Variants in NINJ2 observed in about 807,000 individuals in gnomAD.
NINJ2 encodes ninjurin-2.
NINJ2 carries 12 observed loss-of-function variants against 11.7 expected under a neutral mutation model. The ratio of observed to expected loss-of-function variants is 1.02; its 90% confidence interval spans 0.66 to 1.66. The LOEUF (loss-of-function observed/expected upper bound fraction) is 1.66. NINJ2 is among the 40% of genes most tolerant of loss of function. The probability of loss-of-function intolerance (pLI) is 0.00; values close to 1 mark genes in which losing one functional copy is unlikely to be tolerated. For missense variants in NINJ2, 187 were observed against 181.8 expected (o/e 1.03, Z -0.16); for synonymous variants, 93 against 76.8 (o/e 1.21, Z -1.10).
chr12:609,998 G>A (rs1158298071), intron 1 of NINJ2, among the ~76,000 whole-genome samples: 3 of 128,470 alleles, frequency 2.3e-5, no homozygotes, highest in Non-Finnish European at 4.8e-5. Flanking sequence ...ACCATGGAAG[G>A]TCACACATTT....
At chr12:648,535 G>T (rs940136650) in intron 1 of NINJ2, among the ~76,000 whole-genome samples, 1 of 152,180 alleles carries the variant, frequency 6.6e-6, no homozygotes, top group Non-Finnish European at 1.5e-5. Flanking sequence ...TGAACTGACC[G>T]AATGAATGGT....
chr12:622,237 G>A (rs35926015), intron 1 of NINJ2, among the ~76,000 whole-genome samples: 27,241 of 150,964 alleles, frequency 0.18, 2,570 homozygotes, highest in Middle Eastern at 0.33. Flanking sequence ...GTGAAACCCC[G>A]TCTCTACTAA....
At chr12:603,860 C>G (rs1416065627) in intron 1 of NINJ2, among the ~76,000 whole-genome samples, 1 of 152,030 alleles carries the variant, frequency 6.6e-6, no homozygotes, top group Admixed American at 6.6e-5. Context: ...GGGGTTTTGC[C>G]ATCTTGGCCA....
In NINJ2 at chr12:663,424, A is replaced by G. The variant is rs1362126102; in HGVS notation, c.-64T>C. On this transcript the variant is annotated 5_prime_UTR_variant, in exon 1 of 4. Coordinates refer to ENST00000305108, the MANE Select transcript of NINJ2 (RefSeq NM_016533.6). ...GGGAACAGACTGCGTGGGCTCCTCC[A>G]GGCTCCGCCGTCTGAGTCTCTGCTG... The G allele has an allele frequency of 1.9e-6, 3 of 1,614,092 alleles. No homozygotes were observed. Among genetic ancestry groups the G allele is most frequent in the Non-Finnish European group, 1.7e-6 (2 of 1,179,972 alleles).
intron 1 of NINJ2, among the ~76,000 whole-genome samples, chr12:575,000 G>A (rs1310783653): frequency 1.3e-5 from 2 of 152,202 alleles, no homozygotes; most frequent in African/African-American, 2.4e-5. Context: ...TCCCACAGAG[G>A]ATTATACTCC....
chr12:610,285 C>T, intron 1 of NINJ2: 1 of 1,399,500 alleles, frequency 7.1e-7, no homozygotes, highest in Non-Finnish European at 9.8e-7. Flanking sequence ...CCTGCCCAGT[C>T]CCCAGTGCCC....
intron 1 of NINJ2, among the ~76,000 whole-genome samples, chr12:656,663 C>T (rs1329129044): frequency 2.0e-5 from 3 of 151,526 alleles, no homozygotes; most frequent in Non-Finnish European, 4.4e-5. Context: ...GCAGGAGAAT[C>T]GCTTGAACTT....
At chr12:598,652 A>G (rs1427357204) in intron 1 of NINJ2, among the ~76,000 whole-genome samples, 1 of 152,230 alleles carries the variant, frequency 6.6e-6, no homozygotes, top group Non-Finnish European at 1.5e-5. Flanking sequence ...GGCCGATAGA[A>G]TTAAGGAAAA....
chr12:626,445 CTCT>C (rs1186835081), intron 1 of NINJ2, among the ~76,000 whole-genome samples: 6 of 152,190 alleles, frequency 3.9e-5, no homozygotes, highest in African/African-American at 9.6e-5. Flanking sequence ...TTTGGACATT[CTCT>C]TCTTCTCTCT....
At chr12:587,342 A>G (rs1251993941) in intron 1 of NINJ2, among the ~76,000 whole-genome samples, 1 of 152,234 alleles carries the variant, frequency 6.6e-6, no homozygotes, top group African/African-American at 2.4e-5. Context: ...CACAGCCCCC[A>G]TGGCGGGAGC....
chr12:643,275 C>T (rs762775191), intron 1 of NINJ2: 2 of 229,454 alleles, frequency 8.7e-6, no homozygotes, highest in Non-Finnish European at 7.3e-6. Flanking sequence ...TCCTGCCCTC[C>T]GGCGGCGCGG....
At chr12:642,234 G>A (rs919089214) in intron 1 of NINJ2, among the ~76,000 whole-genome samples, 2 of 152,154 alleles carry the variant, frequency 1.3e-5, no homozygotes, top group African/African-American at 4.8e-5. Flanking sequence ...TCGTACAAAG[G>A]GCCCAGAAGT....
At chr12:652,022 AAT>A (rs754613224) in intron 1 of NINJ2, among the ~76,000 whole-genome samples, 8 of 152,204 alleles carry the variant, frequency 5.3e-5, no homozygotes, top group Non-Finnish European at 1.0e-4. Flanking sequence ...GAACAGAAAA[AAT>A]ATTTGAAACA....
chr12:637,640 CAA>C (rs1237593355), intron 1 of NINJ2, among the ~76,000 whole-genome samples: 23 of 90,806 alleles, frequency 2.5e-4, no homozygotes, highest in Admixed American at 7.5e-4. Context: ...GACTCCATCT[CAA>C]AAAAAAAAAA....
intron 1 of NINJ2, among the ~76,000 whole-genome samples, chr12:570,251 C>T (rs1202701856): frequency 6.6e-6 from 1 of 152,210 alleles, no homozygotes; most frequent in Non-Finnish European, 1.5e-5. Flanking sequence ...GGCGAAGGTG[C>T]CTGGAAAGGG....
intron 1 of NINJ2, among the ~76,000 whole-genome samples, chr12:575,168 G>T (rs1280383503): frequency 2.6e-5 from 4 of 152,186 alleles, no homozygotes; most frequent in Non-Finnish European, 5.9e-5. Flanking sequence ...CGCTCCTGCT[G>T]GCTCTCGCCT....
intron 1 of NINJ2, among the ~76,000 whole-genome samples, chr12:619,856 CTG>C (rs983367920): frequency 3.9e-5 from 6 of 152,220 alleles, no homozygotes; most frequent in Non-Finnish European, 7.3e-5. Flanking sequence ...CTTTTAGTAA[CTG>C]TGTGACATTG....
chr12:576,179 C>T (rs1201598135), intron 1 of NINJ2, among the ~76,000 whole-genome samples: 1 of 152,238 alleles, frequency 6.6e-6, no homozygotes, highest in African/African-American at 2.4e-5. Context: ...GAGTTCCAGC[C>T]CTTGCCCCGA....
intron 1 of NINJ2, chr12:645,750 A>G (rs947535181): frequency 2.6e-5 from 4 of 151,920 alleles, no homozygotes; most frequent in African/African-American, 9.7e-5. Context: ...ACCACCGAAT[A>G]CTCTGCTGTG....
Sources: allele counts gnomAD v4.1 joint callset (sites outside exome capture counted in the v4.1 genomes callset), GRCh38; gene constraint gnomAD v4.1.1; transcripts MANE v1.5; gene names NCBI Gene and HGNC (gene_info 2026-07-23, HGNC 2026-07-21).